The following USP28 variants were observed in gnomAD, a reference collection of about 807,000 sequenced individuals.
USP28 encodes the protein ubiquitin specific peptidase 28, also known as ubiquitin carboxyl-terminal hydrolase 28.
USP28 carries 113 observed loss-of-function variants against 145.0 expected under a neutral mutation model. That is an observed-to-expected ratio of 0.78 (90% confidence interval 0.67 to 0.91). USP28 has a LOEUF of 0.91. USP28 is among the 40% of genes least tolerant of loss of function. The probability of loss-of-function intolerance (pLI) is 0.00; values close to 1 mark genes in which losing one functional copy is unlikely to be tolerated. For missense variants in USP28, 1,201 were observed against 1,289.6 expected (o/e 0.93, Z 1.05); for synonymous variants, 447 against 450.9 (o/e 0.99, Z 0.11).
In USP28 at chr11:113,838,611, C is replaced by T. The variant is rs114399453; in HGVS notation, c.534+1987G>A. ...CCTATGTAATTAAATAGCACATTCCCTGGCCACCTTCAGACCTCTGCTCAA... is the reference window on the plus strand; with the variant it reads ...CCTATGTAATTAAATAGCACATTCCTTGGCCACCTTCAGACCTCTGCTCAA... On this transcript the variant is annotated intron_variant, in intron 5 of 24. Coordinates refer to ENST00000003302, the Ensembl canonical transcript of USP28. 4.9e-3 allele frequency among the ~76,000 whole-genome samples: 753 copies of T among 152,338 alleles called. 4 individuals are homozygous for T. Among genetic ancestry groups the T allele is most frequent in the African/African-American group, 0.017 (720 of 41,574 alleles).
At chr11:113,829,466 A>G (rs1489724332) in intron 9 of USP28, 121 bp from the exon 10 acceptor site, 3 of 1,236,084 alleles carry the variant, frequency 2.4e-6, no homozygotes, top group African/African-American at 1.5e-5. Context: ...TTAGAAATGC[A>G]CTTACGCCTT....
chr11:113,817,971 G>A, intron 12 of USP28, 134 bp from the exon 13 acceptor site: 1 of 862,500 alleles, frequency 1.2e-6, no homozygotes, highest in Non-Finnish European at 1.7e-6. Context: ...ATTTAATAGG[G>A]TCCTCAAACA....
exon 12 of USP28, chr11:113,823,690 T>C: frequency 6.2e-7 from 1 of 1,607,278 alleles, no homozygotes; most frequent in Non-Finnish European, 8.5e-7. Flanking sequence ...TCCTTGCTCC[T>C]GTACATGTAC....
At chr11:113,844,765 G>T (rs1434182184) in intron 3 of USP28, among the ~76,000 whole-genome samples, 1 of 152,112 alleles carries the variant, frequency 6.6e-6, no homozygotes, top group African/African-American at 2.4e-5. Context: ...AACTGGCAAG[G>T]AAGTGGAGAA....
At chr11:113,807,379 A>G (rs1028841308) in intron 18 of USP28, among the ~76,000 whole-genome samples, 1 of 66,780 alleles carries the variant, frequency 1.5e-5, no homozygotes, top group Admixed American at 2.0e-4. Context: ...CAGCCTTGTC[A>G]ATGATTTTTT....
chr11:113,809,310 T>C (rs921494272), intron 16 of USP28, 56 bp from the exon 17 acceptor site: 1 of 1,528,932 alleles, frequency 6.5e-7, no homozygotes, highest in South Asian at 1.2e-5. Flanking sequence ...ACATCCTTTT[T>C]AGAAAAGAAG....
At chr11:113,825,922 T>C (rs1284339828) in intron 11 of USP28, among the ~76,000 whole-genome samples, 2 of 152,176 alleles carry the variant, frequency 1.3e-5, no homozygotes, top group African/African-American at 4.8e-5. Context: ...GGTAGTTTAT[T>C]TGACTGTACA....
At chr11:113,815,444 T>C (rs978075320) in intron 13 of USP28, 62 bp from the exon 14 acceptor site, 5 of 1,502,776 alleles carry the variant, frequency 3.3e-6, no homozygotes, top group Admixed American at 1.8e-5. Context: ...GCCTAAATTA[T>C]GTACTTTGGA....
exon 25 of USP28, chr11:113,798,066 GTTTTTTTTTTTTTT>G (rs528048657): frequency 1.1e-5 from 1 of 91,236 alleles, no homozygotes; most frequent in African/African-American, 4.6e-5. Context: ...ATGTATGCTG[GTTTTTTTTTTTTTT>G]TTTTTTTTTT....
chr11:113,813,956 C>A lies in USP28; in HGVS notation c.1673-1G>T. On this transcript the variant is annotated splice_acceptor_variant, in intron 14 of 24. Transcript: ENST00000003302. LOFTEE classifies it high-confidence loss of function. ...GTACTTGCAATACAAGTCTTTAAAT[C>A]TGTTTGGAAAAAGAAAAACAAAAGC... 6.2e-7 allele frequency: 1 copy of A among 1,603,322 alleles called. No homozygotes were observed. The highest frequency in any genetic ancestry group is 1.1e-5 in the South Asian group (1 of 89,166).
chr11:113,818,436 C>T lies in USP28; in HGVS notation c.1284-599G>A, dbSNP rs181769545. Among the ~76,000 whole-genome samples the T allele has an allele frequency of 3.8e-3, 580 of 152,288 alleles. 6 individuals carry two copies. The highest frequency in any genetic ancestry group is 0.013 in the African/African-American group (536 of 41,552). ...AAAGTGCTGGGATTAAGGGCCACCG[C>T]GCCTGGCAATTTTTAAGTCATCATT... is the stretch of plus-strand genomic sequence containing the variant. On this transcript the variant is annotated intron_variant, in intron 12 of 24. Coordinates refer to ENST00000003302, the Ensembl canonical transcript of USP28.
intron 1 of USP28, among the ~76,000 whole-genome samples, chr11:113,855,661 A>G (rs1350237959): frequency 1.3e-5 from 2 of 152,198 alleles, no homozygotes; most frequent in African/African-American, 4.8e-5. Context: ...TCATGCCTGT[A>G]ATCCCAGCAC....
intron 1 of USP28, chr11:113,874,762 C>T: frequency 2.6e-6 from 3 of 1,158,136 alleles, no homozygotes; most frequent in Non-Finnish European, 3.2e-6. Flanking sequence ...TTCACTCTCA[C>T]CAGATTCTTA....
intron 13 of USP28, 53 bp downstream of exon 13, chr11:113,817,605 A>AAATTATACCAG: frequency 6.3e-7 from 1 of 1,579,694 alleles, no homozygotes. Context: ...TGCATAGTTT[A>AAATTATACCAG]AATTATACCA....
chr11:113,840,065 A>G (rs1449869648), intron 5 of USP28, among the ~76,000 whole-genome samples: 7 of 152,164 alleles, frequency 4.6e-5, no homozygotes, highest in African/African-American at 7.2e-5. Flanking sequence ...CTGTTAACAC[A>G]CACCCAAATT....
intron 5 of USP28, chr11:113,835,174 T>G: frequency 2.4e-6 from 1 of 424,062 alleles, no homozygotes; most frequent in Non-Finnish European, 4.6e-6. Flanking sequence ...TTCTTTTTAT[T>G]ATTTGCAAAT....
intron 1 of USP28, chr11:113,875,021 T>C (rs1414458791): frequency 3.3e-5 from 23 of 692,236 alleles, no homozygotes; most frequent in South Asian, 6.3e-5. Flanking sequence ...TGAGATAACT[T>C]CGGTCTGCTT....
At chr11:113,833,584 T>C (rs1944258909) in intron 6 of USP28, 27 bp from the exon 7 acceptor site, 1 of 1,580,626 alleles carries the variant, frequency 6.3e-7, no homozygotes, top group African/African-American at 1.4e-5. Context: ...ACATGTACTC[T>C]TACAATATCT....
At chr11:113,865,398 AAAG>A (rs1591494974) in intron 1 of USP28, among the ~76,000 whole-genome samples, 1 of 152,220 alleles carries the variant, frequency 6.6e-6, no homozygotes, top group South Asian at 2.1e-4. Context: ...ACAACATTGA[AAAG>A]AAGAACAAAG....
Sources: gnomAD v4.1 joint callset for allele counts (sites outside exome capture counted in the v4.1 genomes callset) on GRCh38, gnomAD v4.1.1 for gene constraint, MANE v1.5 for transcripts, NCBI Gene and HGNC (gene_info 2026-07-23, HGNC 2026-07-21) for gene names.